CDYL: variants seen among roughly 807,000 people sequenced by gnomAD.
The protein encoded by CDYL is chromodomain Y-like protein.
A neutral mutation model predicts 47.3 loss-of-function variants in CDYL; 8 were observed. That is an observed-to-expected ratio of 0.17 (90% CI 0.10 to 0.31). The LOEUF (loss-of-function observed/expected upper bound fraction) is 0.31. Among genes scored for constraint, CDYL ranks in the 10% least tolerant of loss-of-function variants. The probability of loss-of-function intolerance (pLI) is 1.00; values close to 1 mark genes in which losing one functional copy is unlikely to be tolerated. For missense variants in CDYL, 471 were observed against 701.4 expected (o/e 0.67, Z 3.71); for synonymous variants, 266 against 265.0 (o/e 1.00, Z -0.04).
At chr6:4,927,650 A>C (rs1375531201) in intron 2 of CDYL, among the ~76,000 whole-genome samples, 1 of 152,130 alleles carries the variant, frequency 6.6e-6, no homozygotes, top group Non-Finnish European at 1.5e-5. Flanking sequence ...TCCTGACCTG[A>C]AGTGATCCAC....
chr6:4,878,298 A>G (rs2127476703), intron 1 of CDYL, among the ~76,000 whole-genome samples: 1 of 152,146 alleles, frequency 6.6e-6, no homozygotes, highest in South Asian at 2.1e-4. Flanking sequence ...GATTTCTATA[A>G]AATTGGTATT....
intron 2 of CDYL, among the ~76,000 whole-genome samples, chr6:4,718,295 C>T (rs958132692): frequency 9.9e-5 from 15 of 151,620 alleles, no homozygotes; most frequent in African/African-American, 3.4e-4. Flanking sequence ...TTCTGTTTTT[C>T]GTTTGTTTGG....
chr6:4,741,565 T>A (rs1263371451), intron 3 of CDYL, among the ~76,000 whole-genome samples: 1 of 152,124 alleles, frequency 6.6e-6, no homozygotes, highest in East Asian at 1.9e-4. Context: ...TGTTTCTAAG[T>A]TCAAATCAGC....
chr6:4,875,584 A>G (rs990624276), intron 1 of CDYL, among the ~76,000 whole-genome samples: 6 of 152,244 alleles, frequency 3.9e-5, no homozygotes, highest in Non-Finnish European at 7.3e-5. Context: ...TCAGTTTACA[A>G]CTACTATATA....
intron 3 of CDYL, among the ~76,000 whole-genome samples, chr6:4,738,586 A>G (rs1056215719): frequency 6.6e-6 from 1 of 152,208 alleles, no homozygotes; most frequent in Non-Finnish European, 1.5e-5. Flanking sequence ...ATTAGTGGGA[A>G]TGCAAATTTA....
At chr6:4,948,252 T>A (rs1758590623) in intron 5 of CDYL, among the ~76,000 whole-genome samples, 1 of 152,002 alleles carries the variant, frequency 6.6e-6, no homozygotes, top group Non-Finnish European at 1.5e-5. Context: ...GGTGCAGATG[T>A]GGGGCAAATA....
chr6:4,902,404 C>CAA (rs35164020), intron 2 of CDYL, among the ~76,000 whole-genome samples: 2,836 of 95,852 alleles, frequency 0.03, 54 homozygotes, highest in East Asian at 0.12. Flanking sequence ...AGCTCCATCT[C>CAA]AAAAAAAAAA....
intron 2 of CDYL, among the ~76,000 whole-genome samples, chr6:4,728,308 C>T (rs1757549630): frequency 6.6e-6 from 1 of 152,182 alleles, no homozygotes; most frequent in Non-Finnish European, 1.5e-5. Context: ...CCTGAAGCCA[C>T]CACCCCTGAG....
intron 1 of CDYL, among the ~76,000 whole-genome samples, chr6:4,818,281 A>G (rs1415561133): frequency 4.6e-5 from 7 of 152,124 alleles, no homozygotes; most frequent in Non-Finnish European, 7.4e-5. Flanking sequence ...TATAAAATAA[A>G]ATAAAATGGA....
chr6:4,895,555 G>GTGTA (rs1762255901), intron 2 of CDYL, among the ~76,000 whole-genome samples: 2 of 151,142 alleles, frequency 1.3e-5, no homozygotes, highest in African/African-American at 4.9e-5. Context: ...ATGTGTGTGT[G>GTGTA]TATATATATA....
At chr6:4,888,620 TTTA>T (rs1367846996) in intron 1 of CDYL, among the ~76,000 whole-genome samples, 1 of 152,170 alleles carries the variant, frequency 6.6e-6, no homozygotes, top group Admixed American at 6.5e-5. Context: ...TGCTTTTCAG[TTTA>T]TTAAGTTCTA....
intron 1 of CDYL, chr6:4,889,880 T>C: frequency 2.6e-6 from 2 of 777,244 alleles, no homozygotes; most frequent in Non-Finnish European, 3.1e-6. Context: ...CGGAGGCTAC[T>C]GTTGCTCTTC....
chr6:4,787,784 T>C (rs1436079818), intron 1 of CDYL, among the ~76,000 whole-genome samples: 1 of 146,344 alleles, frequency 6.8e-6, no homozygotes, highest in African/African-American at 2.6e-5. Flanking sequence ...TTTTTTTTTT[T>C]TTTTGGGAGA....
Position 4,870,372 on chromosome 6 carries a change from AT to A in CDYL, c.25-21340del, listed in dbSNP as rs1223991034. Among the ~76,000 whole-genome samples, 4 of 152,186 alleles carry A rather than the reference AT, an allele frequency of 2.6e-5. No individual in the cohort carries two copies. In the South Asian group the frequency reaches 6.2e-4, roughly 24 times the overall value. ...CATTTCTGATGAAGAGTCAGCCATT[AT>A]ATTTGTATATATTTTTATTCCTGTA... is the stretch of plus-strand genomic sequence containing the variant. On this transcript the variant is annotated intron_variant, in intron 1 of 6. Coordinates refer to ENST00000397588, the MANE Select transcript of CDYL (RefSeq NM_004824.4).
chr6:4,841,597 T>G (rs1012054792), intron 1 of CDYL, among the ~76,000 whole-genome samples: 4 of 152,154 alleles, frequency 2.6e-5, no homozygotes, highest in African/African-American at 9.6e-5. Context: ...TGTGTCACTA[T>G]TATCGTTCAG....
intron 1 of CDYL, among the ~76,000 whole-genome samples, chr6:4,827,507 ATGT>A (rs1385562122): frequency 3.3e-5 from 5 of 152,180 alleles, no homozygotes; most frequent in African/African-American, 7.2e-5. Context: ...TCCACAATTG[ATGT>A]TGTTGTTTAA....
chr6:4,773,085 AT>A (rs1758361555), upstream of CDYL: 5 of 457,200 alleles, frequency 1.1e-5, no homozygotes, highest in South Asian at 1.5e-5. This position sits in a 1 kb window ranked among gnomAD's most constrained non-coding sequence, Gnocchi z 4.6. Context: ...GAAGAGTCTT[AT>A]CGTCGGTAGA....
intron 3 of CDYL, among the ~76,000 whole-genome samples, chr6:4,770,135 C>T (rs1262406685): frequency 6.6e-6 from 1 of 152,064 alleles, no homozygotes; most frequent in Non-Finnish European, 1.5e-5. Flanking sequence ...TGGCGCCGGG[C>T]CAACATTTTT....
At chr6:4,737,985 T>C (rs1757733079) in intron 3 of CDYL, among the ~76,000 whole-genome samples, 1 of 152,046 alleles carries the variant, frequency 6.6e-6, no homozygotes, top group Admixed American at 6.6e-5. Flanking sequence ...AAACAAAGCA[T>C]TAATATACAA....
Sources: allele counts gnomAD v4.1 joint callset (sites outside exome capture counted in the v4.1 genomes callset), GRCh38; gene constraint gnomAD v4.1.1; non-coding constraint Gnocchi (gnomAD v3.1); transcripts MANE v1.5; gene names NCBI Gene and HGNC (gene_info 2026-07-23, HGNC 2026-07-21).